TSPAN15: variants seen among roughly 807,000 people sequenced by gnomAD.
The protein encoded by TSPAN15 is tetraspanin-15.
In TSPAN15, 20 loss-of-function variants were observed where a neutral mutation model predicts 34.5. The observed-to-expected ratio is 0.58, with a 90% CI of 0.41 to 0.84. The LOEUF is 0.84. Ranked by LOEUF, TSPAN15 falls within the 40% of genes least tolerant of loss-of-function variation. TSPAN15 has a pLI of 0.00. For missense variants in TSPAN15, 313 were observed against 386.1 expected, an observed-to-expected ratio of 0.81 and a Z score of 1.59; for synonymous variants, 155 against 153.9, an observed-to-expected ratio of 1.01 and a Z score of -0.05.
chr10:69,526,226 A>G, the TSPAN15 span, among the ~76,000 whole-genome samples: 1 of 147,740 alleles, frequency 6.8e-6, no homozygotes, highest in African/African-American at 2.5e-5. Flanking sequence ...TAGAGGAGTG[A>G]ATCATTTTCT....
chr10:69,461,706 GCCAGCCTCTGGC>G (rs893848757), intron 1 of TSPAN15, among the ~76,000 whole-genome samples: 19 of 152,188 alleles, frequency 1.2e-4, no homozygotes, highest in Middle Eastern at 6.8e-3. Flanking sequence ...GTGGGCTGAG[GCCAGCCTCTGGC>G]CCACCCTGTG....
chr10:69,471,138 A>G (rs893061413), intron 1 of TSPAN15, among the ~76,000 whole-genome samples: 3 of 152,204 alleles, frequency 2.0e-5, no homozygotes, highest in African/African-American at 7.2e-5. Flanking sequence ...GCCTCTGCGC[A>G]AGTAGAATGT....
the TSPAN15 span, among the ~76,000 whole-genome samples, chr10:69,530,820 C>CTCTCTATA: frequency 1.3e-3 from 39 of 30,766 alleles, no homozygotes; most frequent in South Asian, 2.7e-3. Context: ...CTCTCTCTCT[C>CTCTCTATA]TATATATATA....
the TSPAN15 span, among the ~76,000 whole-genome samples, chr10:69,538,886 G>A: frequency 2.0e-5 from 3 of 152,210 alleles, no homozygotes; most frequent in Non-Finnish European, 4.4e-5. Context: ...GAAGAAAAGG[G>A]AAGCCATTCC....
intron 1 of TSPAN15, among the ~76,000 whole-genome samples, chr10:69,476,191 C>T (rs1267084668): frequency 6.6e-6 from 1 of 151,958 alleles, no homozygotes; most frequent in Non-Finnish European, 1.5e-5. Context: ...GAAGAAGAGA[C>T]TTGGCCTACC....
Position 69,507,167 on chromosome 10 carries a change from T to A in TSPAN15, c.*189T>A, listed in dbSNP as rs11068. 30 of 1,427,550 alleles carry A rather than the reference T, an allele frequency of 2.1e-5. No homozygotes were observed. The highest frequency in any genetic ancestry group is 3.0e-5 in the Admixed American group (1 of 33,104). 88.4% of individuals were successfully genotyped at this position (1,427,550 alleles called of 1,614,324 possible). On this transcript the variant is annotated 3_prime_UTR_variant, in exon 8 of 8. Coordinates refer to ENST00000373290, the MANE Select transcript of TSPAN15 (RefSeq NM_012339.5). The stretch of plus-strand genomic sequence containing the variant: ...CAGGGAGCAGAGCCTGGGCCTCCCC[T>A]AAGAGGCTTTCCCCGAGGCAGCTCT...
chr10:69,505,690 T>C (rs1842310424), intron 6 of TSPAN15, among the ~76,000 whole-genome samples: 1 of 152,132 alleles, frequency 6.6e-6, no homozygotes, highest in South Asian at 2.1e-4. Context: ...CTGCAGGCAC[T>C]GGCCACCATG....
At chr10:69,486,400 C>T (rs537238236) in intron 3 of TSPAN15, among the ~76,000 whole-genome samples, 3 of 152,240 alleles carry the variant, frequency 2.0e-5, no homozygotes, top group South Asian at 4.2e-4. Context: ...CTGGGACATG[C>T]GTCAGAGCTG....
chr10:69,456,745 G>A (rs1052254933), intron 1 of TSPAN15, among the ~76,000 whole-genome samples: 13 of 152,170 alleles, frequency 8.5e-5, no homozygotes, highest in Admixed American at 2.6e-4. Flanking sequence ...ACTGAGACCC[G>A]CTCCTTGATG....
chr10:69,451,773 CACTT>C lies in TSPAN15; in HGVS notation c.96+85_96+88del, dbSNP rs763599380. 3.5e-4 allele frequency: 392 copies of C among 1,134,708 alleles called. 1 individual carries two copies. Among genetic ancestry groups the C allele is most frequent in the Admixed American group, 4.6e-4 (12 of 26,032 alleles). The allele number at this position is 1,134,708 out of a possible 1,614,324, so 70.3% of individuals were successfully genotyped here. ...CCTCACTGGCCCGGGGTTGGGTCCA[CACTT>C]AGCCGCTCCAGGGAGTGCGCGGGTG... On this transcript the variant is annotated intron_variant, in intron 1 of 7. Coordinates refer to ENST00000373290, the MANE Select transcript of TSPAN15 (RefSeq NM_012339.5).
chr10:69,549,071 C>T, the TSPAN15 span, among the ~76,000 whole-genome samples: 1 of 151,622 alleles, frequency 6.6e-6, no homozygotes, highest in South Asian at 2.1e-4. Context: ...AAATCAAGCA[C>T]TCAATGATGT....
chr10:69,544,711 G>T, the TSPAN15 span, among the ~76,000 whole-genome samples: 1 of 152,202 alleles, frequency 6.6e-6, no homozygotes, highest in Non-Finnish European at 1.5e-5. Flanking sequence ...GAGTTGTGGG[G>T]TGGTCACTGG....
chr10:69,483,960 C>A (rs968998972), intron 2 of TSPAN15, 84 bp downstream of exon 2: 3 of 1,449,010 alleles, frequency 2.1e-6, no homozygotes, highest in Admixed American at 4.4e-5. Context: ...AGCTCAGTTT[C>A]TTTTGTCCCT....
At chr10:69,539,533 A>AGAAGGAGAAGGAGAAGG in the TSPAN15 span, among the ~76,000 whole-genome samples, 1 of 48,284 alleles carries the variant, frequency 2.1e-5, no homozygotes, top group African/African-American at 7.2e-5. Flanking sequence ...GAAGAAGAAG[A>AGAAGGAGAAGGAGAAGG]AGAAGGAGAA....
the TSPAN15 span, among the ~76,000 whole-genome samples, chr10:69,544,630 T>A: frequency 6.6e-6 from 1 of 152,194 alleles, no homozygotes; most frequent in Admixed American, 6.5e-5. Context: ...AGCTTAGTCC[T>A]CTCTTTTCCT....
chr10:69,459,118 AAAAAAAAC>A (rs566834097), intron 1 of TSPAN15, among the ~76,000 whole-genome samples: 9,130 of 110,530 alleles, frequency 0.083, 441 homozygotes, highest in Middle Eastern at 0.16. Context: ...AAAAAAAAAA[AAAAAAAAC>A]AACAACAAAA....
the TSPAN15 span, among the ~76,000 whole-genome samples, chr10:69,533,881 C>G: frequency 6.6e-6 from 1 of 152,018 alleles, no homozygotes; most frequent in Non-Finnish European, 1.5e-5. Context: ...TAGTGGACAC[C>G]CAGATGGCGT....
At chr10:69,484,554 T>C (rs1462584238) in intron 2 of TSPAN15, among the ~76,000 whole-genome samples, 1 of 152,168 alleles carries the variant, frequency 6.6e-6, no homozygotes, top group Admixed American at 6.5e-5. Context: ...GACCTCATTG[T>C]CTCCCCTCAT....
At chr10:69,543,947 C>A in the TSPAN15 span, among the ~76,000 whole-genome samples, 6 of 147,410 alleles carry the variant, frequency 4.1e-5, no homozygotes, top group Admixed American at 1.4e-4. Flanking sequence ...AGCCCTCAGG[C>A]CTCCAGGACA....
Sources: gnomAD v4.1 joint callset for allele counts (sites outside exome capture counted in the v4.1 genomes callset) on GRCh38, gnomAD v4.1.1 for gene constraint, MANE v1.5 for transcripts, NCBI Gene and HGNC (gene_info 2026-07-23, HGNC 2026-07-21) for gene names.